The following SYNE1 variants were observed in gnomAD, a reference collection of about 807,000 sequenced individuals.
SYNE1 encodes the protein nesprin-1.
In SYNE1, 616 loss-of-function variants were observed where a neutral mutation model predicts 1,111.0. The ratio of observed to expected loss-of-function variants is 0.55; its 90% CI spans 0.52 to 0.59. SYNE1 has a LOEUF of 0.59. SYNE1 is among the 20% of genes least tolerant of loss of function. The probability of loss-of-function intolerance (pLI) is 0.00; values close to 1 mark genes in which losing one functional copy is unlikely to be tolerated. For missense variants in SYNE1, 10,006 were observed against 10,417.0 expected, an observed-to-expected ratio of 0.96 and a Z score of 1.72; for synonymous variants, 3,855 against 3,825.8, an observed-to-expected ratio of 1.01 and a Z score of -0.28.
Position 152,442,091 on chromosome 6 carries a change from T to C in SYNE1, c.3992A>G (p.Gln1331Arg). 1 of 1,614,178 alleles carries C rather than the reference T, an allele frequency of 6.2e-7. No homozygotes were observed. The highest frequency in any genetic ancestry group is 8.5e-7 in the Non-Finnish European group (1 of 1,180,050). ...GGCTCCTACCTGGATGCGGCGTTCC[T>C]GCCTCTCCCGGCTGCGCTCCAGGCC... ...LDGLERSRER[Q>R]ERRIQVTLRK... Residue 1331 changes from glutamine (Q) to arginine (R), a missense_variant, in exon 31 of 146, where the codon CAG (glutamine) becomes CGG (arginine). Physicochemically the swap from Gln to Arg is conservative, Grantham distance 43. Around this residue, in one of 7 missense-constraint regions of SYNE1, gnomAD observed 1,971 missense variants for 2,084.1 expected, o/e 0.95. Coordinates refer to ENST00000367255, the MANE Select transcript of SYNE1 (RefSeq NM_182961.4).
At position 152,425,684 on chromosome 6, in the gene SYNE1, T is replaced by G. The variant is rs935810586; in HGVS notation, c.5101-137A>C. The G allele has an allele frequency of 8.1e-6, 8 of 990,906 alleles. No individual in the cohort carries two copies. In the South Asian group the frequency reaches 1.1e-4, roughly 14 times the overall value. 61.4% of individuals were successfully genotyped at this position (990,906 alleles called of 1,614,324 possible). Reference sequence around the variant, plus strand: ...ATTCGGGACAGGCTGAAGAGAGTTTTTATTACTTGATTTAGAAATGGATCC... The same window carrying G: ...ATTCGGGACAGGCTGAAGAGAGTTTGTATTACTTGATTTAGAAATGGATCC... On this transcript the variant is annotated intron_variant, in intron 38 of 145. Transcript: ENST00000367255.
At chr6:152,549,380 G>A (rs2099329259) in intron 3 of SYNE1, among the ~76,000 whole-genome samples, 1 of 152,188 alleles carries the variant, frequency 6.6e-6, no homozygotes, top group African/African-American at 2.4e-5. Flanking sequence ...ATTGGCTTAA[G>A]CCACAGAGTT....
chr6:152,417,284 G>C (rs571306603), intron 40 of SYNE1, among the ~76,000 whole-genome samples: 2 of 152,304 alleles, frequency 1.3e-5, no homozygotes, highest in African/African-American at 4.8e-5. Context: ...AGATCACGAG[G>C]TCAGGAGATC....
chr6:152,453,463 T>C (rs2098668094), intron 25 of SYNE1, 123 bp downstream of exon 25: 1 of 1,453,012 alleles, frequency 6.9e-7, no homozygotes, highest in South Asian at 1.2e-5. Flanking sequence ...AGTTTTTAAA[T>C]GAGCGAAATA....
At chr6:152,340,112 G>C (rs2096498898) in intron 74 of SYNE1, among the ~76,000 whole-genome samples, 1 of 152,182 alleles carries the variant, frequency 6.6e-6, no homozygotes, top group African/African-American at 2.4e-5. Flanking sequence ...TAAGCAGATA[G>C]CGTATGAGGA....
In SYNE1 at chr6:152,577,404, G is replaced by A. The variant is rs529226017; in HGVS notation, c.68-37383C>T. On this transcript the variant is annotated intron_variant, in intron 3 of 145. Transcript: ENST00000367255. ...TCCCAGCACTTGGGGAGGCCGAGGC[G>A]GGTGGATCACAAGGTCAGGAGATTG... is the stretch of plus-strand genomic sequence containing the variant. 6.6e-5 allele frequency among the ~76,000 whole-genome samples: 10 copies of A among 152,270 alleles called. No individual in the cohort carries two copies. The East Asian group carries it at 7.7e-4, about 12-fold the overall frequency.
At chr6:152,450,389 T>C (rs536828381) in intron 27 of SYNE1, among the ~76,000 whole-genome samples, 5 of 152,252 alleles carry the variant, frequency 3.3e-5, no homozygotes, top group South Asian at 2.1e-4. Context: ...CATAAGGATA[T>C]TGGGGAGAAA....
chr6:152,298,768 C>T (rs565093785), intron 93 of SYNE1, among the ~76,000 whole-genome samples: 2 of 152,036 alleles, frequency 1.3e-5, no homozygotes, highest in Non-Finnish European at 2.9e-5. Flanking sequence ...TTTTCATTGT[C>T]TTCTAACTGA....
At chr6:152,182,891 C>T (rs2068531211) in intron 128 of SYNE1, among the ~76,000 whole-genome samples, 2 of 152,172 alleles carry the variant, frequency 1.3e-5, no homozygotes, top group South Asian at 4.1e-4. Flanking sequence ...GGTTGGGTGA[C>T]ACTGGTGAAC....
At chr6:152,160,488 G>A (rs895713227) in intron 131 of SYNE1, among the ~76,000 whole-genome samples, 12 of 152,100 alleles carry the variant, frequency 7.9e-5, no homozygotes, top group African/African-American at 2.9e-4. Flanking sequence ...TTCACTCTGG[G>A]AATTCCCTTT....
chr6:152,612,386 A>G (rs1023186164), intron 3 of SYNE1, among the ~76,000 whole-genome samples: 2 of 152,216 alleles, frequency 1.3e-5, no homozygotes, highest in Admixed American at 1.3e-4. Context: ...CAAATAAACT[A>G]GAAAATCTAG....
chr6:152,355,076 A>C, intron 66 of SYNE1, 100 bp from the exon 67 acceptor site: 30 of 1,307,412 alleles, frequency 2.3e-5, no homozygotes, highest in Non-Finnish European at 3.3e-5. Flanking sequence ...TGAACTTCTC[A>C]TTAGAAAAAA....
intron 74 of SYNE1, among the ~76,000 whole-genome samples, chr6:152,341,621 G>A (rs1342905437): frequency 1.3e-5 from 2 of 152,262 alleles, no homozygotes; most frequent in East Asian, 1.9e-4. Flanking sequence ...TGGTGTTGGG[G>A]ATACACACTG....
intron 98 of SYNE1, among the ~76,000 whole-genome samples, chr6:152,273,022 G>A (rs753715346): frequency 3.1e-4 from 47 of 152,124 alleles, no homozygotes; most frequent in Admixed American, 7.9e-4. Context: ...AAAAGATCTA[G>A]TAATATTTTA....
intron 3 of SYNE1, among the ~76,000 whole-genome samples, chr6:152,582,635 A>G (rs2099524335): frequency 6.6e-6 from 1 of 151,938 alleles, no homozygotes; most frequent in Non-Finnish European, 1.5e-5. Flanking sequence ...GTTTGTCACA[A>G]GAGAATATAA....
In SYNE1 at chr6:152,447,598, T is replaced by G. The variant is rs2098603706; in HGVS notation, c.3529A>C (p.Arg1177=). Residue 1177 remains arginine (R), a synonymous_variant, in exon 29 of 146, where the codon AGG becomes CGG. Coordinates refer to ENST00000367255, the MANE Select transcript of SYNE1 (RefSeq NM_182961.4). The part of the protein sequence containing the change: ...VEEIRNGVTK[R]GETLSWLKSR... ...TTCAGCCAGCTGAGGGTCTCACCCCTTTTGGTAACACCATTTCTGATCTCC... is the reference window on the plus strand; with the variant it reads ...TTCAGCCAGCTGAGGGTCTCACCCCGTTTGGTAACACCATTTCTGATCTCC... 2 of 1,614,072 alleles carry G rather than the reference T, an allele frequency of 1.2e-6. No homozygotes were observed. Among genetic ancestry groups the G allele is most frequent in the Admixed American group, 1.7e-5 (1 of 60,014 alleles).
Position 152,416,415 on chromosome 6 carries a change from C to CTG in SYNE1, c.6021_6022insCA (p.Glu2008GlnfsTer12), listed in dbSNP as rs1479259212. 1 of 1,614,136 alleles carries CTG rather than the reference C, an allele frequency of 6.2e-7. No homozygotes were observed. On this transcript the variant is annotated frameshift_variant, in exon 41 of 146. Coordinates refer to ENST00000367255, the MANE Select transcript of SYNE1 (RefSeq NM_182961.4). LOFTEE classifies it high-confidence loss of function. ...TGCTGAAGAGCTTGGCGGGTAGGTT[C>CTG]TTTCAATCGCTCTTTGTCAGTCCTT...
At chr6:152,254,244 C>CTTTTTTTTTTTTTTTTTTTTTT (rs773598537) in intron 104 of SYNE1, among the ~76,000 whole-genome samples, 1 of 73,144 alleles carries the variant, frequency 1.4e-5, no homozygotes. Flanking sequence ...TCTGCATACT[C>CTTTTTTTTTTTTTTTTTTTTTT]TTTTTTTTTT....
intron 3 of SYNE1, among the ~76,000 whole-genome samples, chr6:152,612,823 G>A (rs895819136): frequency 7.2e-5 from 11 of 152,078 alleles, no homozygotes; most frequent in Non-Finnish European, 1.2e-4. Context: ...TTCACCCCTG[G>A]GATGCAAGGC....
Sources: allele counts gnomAD v4.1 joint callset (sites outside exome capture counted in the v4.1 genomes callset), GRCh38; gene constraint gnomAD v4.1.1; regional missense constraint gnomAD v4.1.1; transcripts MANE v1.5; gene names NCBI Gene and HGNC (gene_info 2026-07-23, HGNC 2026-07-21).